Variants in RAB10 observed in about 807,000 individuals in gnomAD.
The protein encoded by RAB10 is RAB10, member RAS oncogene family, also known as ras-related protein Rab-10.
A neutral mutation model predicts 25.7 loss-of-function variants in RAB10; 5 were observed. The ratio of observed to expected loss-of-function variants is 0.19; its 90% confidence interval spans 0.10 to 0.41. The LOEUF is 0.41. Ranked by LOEUF, RAB10 falls within the 10% of genes least tolerant of loss-of-function variation. The probability of loss-of-function intolerance (pLI) is 1.00; values close to 1 mark genes in which losing one functional copy is unlikely to be tolerated. For missense variants in RAB10, 103 were observed against 245.8 expected (o/e 0.42, Z 3.89); for synonymous variants, 89 against 86.4 (o/e 1.03, Z -0.16).
At chr2:26,075,544 A>G (rs1040100801) in intron 1 of RAB10, among the ~76,000 whole-genome samples, 1 of 152,186 alleles carries the variant, frequency 6.6e-6, no homozygotes, top group African/African-American at 2.4e-5. Flanking sequence ...AGGTTTTACA[A>G]AATTTTTTAA....
chr2:26,079,898 C>T lies in RAB10; in HGVS notation c.128-18764C>T, dbSNP rs578227898. ...CCAGGCTGAACTCCTGGGCTCAAGC[C>T]ATCCACCTGCCTCAGCCTCCCAAAG... On this transcript the variant is annotated intron_variant, in intron 1 of 5. Coordinates refer to ENST00000264710, the MANE Select transcript of RAB10 (RefSeq NM_016131.5). Among the ~76,000 whole-genome samples the T allele has an allele frequency of 4.9e-4, 74 of 152,232 alleles. No homozygotes were observed. The Middle Eastern group carries it at 0.048, about 98-fold the overall frequency.
Position 26,088,707 on chromosome 2 carries a change from C to T in RAB10, c.128-9955C>T, listed in dbSNP as rs187091456. 9.6e-3 allele frequency among the ~76,000 whole-genome samples: 1,455 copies of T among 152,188 alleles called. 11 individuals are homozygous for T. Among genetic ancestry groups the T allele is most frequent in the Non-Finnish European group, 0.014 (931 of 68,000 alleles). ...CGTCTCACTGCAACCTCCCCCTCCC[C>T]GGTTCAAGTGATTCTCAAGTGATTA... On this transcript the variant is annotated intron_variant, in intron 1 of 5. Coordinates refer to ENST00000264710, the MANE Select transcript of RAB10 (RefSeq NM_016131.5).
rs760401448 is a variant in RAB10, at chr2:26,134,911, G to T, written c.520-27G>T. 14 of 1,567,370 alleles carry T rather than the reference G, an allele frequency of 8.9e-6. No homozygotes were observed. In the East Asian group the frequency reaches 2.3e-4, roughly 25 times the overall value. On this transcript the variant is annotated intron_variant, in intron 5 of 5. Transcript: ENST00000264710. The stretch of plus-strand genomic sequence containing the variant: ...TATCCATGGCAGTGTTTTTTCATGA[G>T]TTATTTTCCTTGTGTGTTTGTTGCA...
At chr2:26,114,834 C>T (rs1667648136) in intron 3 of RAB10, among the ~76,000 whole-genome samples, 1 of 150,930 alleles carries the variant, frequency 6.6e-6, no homozygotes, top group Admixed American at 6.6e-5. Context: ...CCCAGGAGGT[C>T]GAGGCTGCAG....
At chr2:26,046,064 C>G (rs1041789959) in intron 1 of RAB10, among the ~76,000 whole-genome samples, 51 of 152,186 alleles carry the variant, frequency 3.4e-4, no homozygotes, top group African/African-American at 1.1e-3. Flanking sequence ...GTGGCTCACG[C>G]CTGTAATCCC....
chr2:26,041,585 T>C (rs1665888000), intron 1 of RAB10, among the ~76,000 whole-genome samples: 1 of 147,766 alleles, frequency 6.8e-6, no homozygotes, highest in Non-Finnish European at 1.5e-5. Context: ...GCTGTTTGGC[T>C]TAATAGGGCA....
intron 2 of RAB10, chr2:26,101,498 G>T (rs759185517): frequency 2.6e-5 from 4 of 152,316 alleles, no homozygotes; most frequent in Non-Finnish European, 4.4e-5. Context: ...TGGCAAAGGT[G>T]CCTAGGGTAG....
At chr2:26,044,887 C>T (rs377554408) in intron 1 of RAB10, among the ~76,000 whole-genome samples, 1 of 152,046 alleles carries the variant, frequency 6.6e-6, no homozygotes, top group East Asian at 1.9e-4. Flanking sequence ...TATTCATAAC[C>T]ACATTGCTCA....
At chr2:26,124,180 A>AT (rs1275627769) in intron 3 of RAB10, among the ~76,000 whole-genome samples, 1 of 152,104 alleles carries the variant, frequency 6.6e-6, no homozygotes, top group Non-Finnish European at 1.5e-5. Context: ...TCTGGTTAGC[A>AT]TCAGGCTGTT....
At chr2:26,089,833 A>T (rs1667066148) in intron 1 of RAB10, among the ~76,000 whole-genome samples, 1 of 152,118 alleles carries the variant, frequency 6.6e-6, no homozygotes, top group Admixed American at 6.5e-5. Flanking sequence ...TATTTTGGTT[A>T]ACTGCTAAGC....
chr2:26,119,524 C>CT (rs113908052), intron 3 of RAB10, among the ~76,000 whole-genome samples: 112 of 145,104 alleles, frequency 7.7e-4, no homozygotes, highest in Admixed American at 1.5e-3. Flanking sequence ...CTTAGCTTTG[C>CT]TTTTTTTTTT....
intron 1 of RAB10, among the ~76,000 whole-genome samples, chr2:26,079,838 G>T (rs1048587418): frequency 6.6e-6 from 1 of 152,010 alleles, no homozygotes; most frequent in African/African-American, 2.4e-5. Flanking sequence ...GCTAAATTTT[G>T]CATTTTTTGT....
chr2:26,035,014 C>T (rs1423705262), intron 1 of RAB10, among the ~76,000 whole-genome samples: 1 of 152,084 alleles, frequency 6.6e-6, no homozygotes, highest in East Asian at 1.9e-4. Flanking sequence ...TTTCTTCAGG[C>T]GACTGGACTG....
At chr2:26,044,337 C>T (rs1386570474) in intron 1 of RAB10, among the ~76,000 whole-genome samples, 1 of 152,150 alleles carries the variant, frequency 6.6e-6, no homozygotes, top group Non-Finnish European at 1.5e-5. Flanking sequence ...ATGGTACTTT[C>T]CCATGCTTTA....
intron 3 of RAB10, among the ~76,000 whole-genome samples, chr2:26,114,871 C>T (rs980817927): frequency 1.3e-5 from 2 of 151,866 alleles, no homozygotes; most frequent in African/African-American, 2.4e-5. Context: ...TACTACACTC[C>T]AGCCTGGGCA....
chr2:26,036,548 A>G (rs1665768701), intron 1 of RAB10, among the ~76,000 whole-genome samples: 1 of 151,812 alleles, frequency 6.6e-6, no homozygotes, highest in Non-Finnish European at 1.5e-5. Flanking sequence ...AGTCCCAGCT[A>G]CTCAGGAGGC....
At chr2:26,064,661 A>G (rs1666477258) in intron 1 of RAB10, among the ~76,000 whole-genome samples, 1 of 152,188 alleles carries the variant, frequency 6.6e-6, no homozygotes, top group Non-Finnish European at 1.5e-5. Context: ...AATAGTTTTT[A>G]AATAAGTAAA....
At chr2:26,068,403 G>T (rs1666555680) in intron 1 of RAB10, among the ~76,000 whole-genome samples, 1 of 152,170 alleles carries the variant, frequency 6.6e-6, no homozygotes, top group Admixed American at 6.5e-5. Flanking sequence ...CCCAGAAAAT[G>T]TGGAAAATGG....
intron 5 of RAB10, 32 bp downstream of exon 5, chr2:26,127,983 C>T (rs763106399): frequency 6.1e-6 from 9 of 1,472,058 alleles, no homozygotes; most frequent in East Asian, 4.5e-5. Flanking sequence ...CTGCCAGGTA[C>T]CTGAGTATCT....
Sources: gnomAD v4.1 joint callset for allele counts (sites outside exome capture counted in the v4.1 genomes callset) on GRCh38, gnomAD v4.1.1 for gene constraint, MANE v1.5 for transcripts, NCBI Gene and HGNC (gene_info 2026-07-23, HGNC 2026-07-21) for gene names.